TEAD1: variants seen among roughly 807,000 people sequenced by gnomAD.
The protein encoded by TEAD1 is TEA domain transcription factor 1, also known as transcriptional enhancer factor TEF-1.
In TEAD1, 9 loss-of-function variants were observed where a neutral mutation model predicts 54.9. That is an observed-to-expected ratio of 0.16 (90% confidence interval 0.10 to 0.29). TEAD1 has a LOEUF of 0.29. Among genes scored for constraint, TEAD1 ranks in the 10% least tolerant of loss-of-function variants. The pLI, the probability that TEAD1 is intolerant of heterozygous loss-of-function variation, is 1.00. For missense variants in TEAD1, 387 were observed against 535.9 expected (o/e 0.72, Z 2.74); for synonymous variants, 200 against 187.8 (o/e 1.07, Z -0.53).
At chr11:12,797,490 C>T (rs768111834) in intron 3 of TEAD1, among the ~76,000 whole-genome samples, 2 of 151,754 alleles carry the variant, frequency 1.3e-5, no homozygotes, top group African/African-American at 2.4e-5. Context: ...CCCTGGTGTG[C>T]CACCCACCCC....
intron 2 of TEAD1, among the ~76,000 whole-genome samples, chr11:12,695,781 A>C (rs1009106848): frequency 6.6e-6 from 1 of 152,156 alleles, no homozygotes; most frequent in African/African-American, 2.4e-5. Context: ...TAGATGGCAG[A>C]TTATTTTATT....
chr11:12,801,270 T>C (rs1946054876), intron 3 of TEAD1, among the ~76,000 whole-genome samples: 1 of 152,190 alleles, frequency 6.6e-6, no homozygotes. Context: ...TACATGGTGA[T>C]TGGTCTTGAT....
chr11:12,881,774 A>G, intron 7 of TEAD1, 122 bp from the exon 8 acceptor site: 1 of 966,680 alleles, frequency 1.0e-6, no homozygotes, highest in South Asian at 1.3e-5. Context: ...GTGTGCTACC[A>G]CCTGCAGGCA....
intron 3 of TEAD1, among the ~76,000 whole-genome samples, chr11:12,820,790 G>A (rs1199251541): frequency 6.6e-6 from 1 of 152,154 alleles, no homozygotes; most frequent in East Asian, 1.9e-4. Context: ...CTTTATTATT[G>A]TCATGATTTT....
intron 2 of TEAD1, among the ~76,000 whole-genome samples, chr11:12,703,249 C>CA (rs969319081): frequency 1.3e-5 from 2 of 152,138 alleles, no homozygotes; most frequent in Admixed American, 1.3e-4. Flanking sequence ...TTCTCTCTCC[C>CA]AAAAAAGCTT....
At chr11:12,683,641 A>G (rs1171031549) in intron 2 of TEAD1, among the ~76,000 whole-genome samples, 4 of 152,170 alleles carry the variant, frequency 2.6e-5, no homozygotes, top group African/African-American at 7.2e-5. Flanking sequence ...GTTGTTAGAA[A>G]ATAAACAAAC....
chr11:12,684,726 T>A (rs1431068547), intron 2 of TEAD1, among the ~76,000 whole-genome samples: 1 of 152,188 alleles, frequency 6.6e-6, no homozygotes, highest in Non-Finnish European at 1.5e-5. Flanking sequence ...GTGTGGCTGC[T>A]GTTAAAACCT....
chr11:12,736,401 A>C (rs948961298), intron 2 of TEAD1, among the ~76,000 whole-genome samples: 6 of 152,228 alleles, frequency 3.9e-5, no homozygotes, highest in African/African-American at 1.4e-4. Context: ...CAATTTTTTA[A>C]AGAAAAAATA....
At chr11:12,745,281 A>T (rs1387147142) in intron 2 of TEAD1, among the ~76,000 whole-genome samples, 1 of 152,240 alleles carries the variant, frequency 6.6e-6, no homozygotes, top group Non-Finnish European at 1.5e-5. Flanking sequence ...GCCCTGCATG[A>T]ACTGTGTCAA....
chr11:12,895,698 G>A (rs1300880137), intron 9 of TEAD1, among the ~76,000 whole-genome samples: 2 of 152,172 alleles, frequency 1.3e-5, no homozygotes, highest in African/African-American at 2.4e-5. Context: ...ATTGAAGCAC[G>A]TGGCCCATAG....
At chr11:12,882,284 C>G (rs1947988977) in intron 8 of TEAD1, among the ~76,000 whole-genome samples, 1 of 152,078 alleles carries the variant, frequency 6.6e-6, no homozygotes, top group Admixed American at 6.5e-5. Flanking sequence ...CAGTCTAAGT[C>G]TCAAGGCCAG....
At chr11:12,752,847 GT>G (rs36003316) in intron 2 of TEAD1, among the ~76,000 whole-genome samples, 62,845 of 147,740 alleles carry the variant, frequency 0.43, 13,420 homozygotes, top group South Asian at 0.6. Flanking sequence ...ATATGCTACA[GT>G]TTTTTTTTTT....
intron 10 of TEAD1, among the ~76,000 whole-genome samples, chr11:12,912,102 G>A (rs1948627748): frequency 6.6e-6 from 1 of 152,108 alleles, no homozygotes; most frequent in Non-Finnish European, 1.5e-5. Context: ...CAAGCAATTC[G>A]TAGGAGGAAA....
At chr11:12,740,331 G>A (rs1944626154) in intron 2 of TEAD1, among the ~76,000 whole-genome samples, 1 of 152,200 alleles carries the variant, frequency 6.6e-6, no homozygotes, top group South Asian at 2.1e-4. Flanking sequence ...AGAAGTGTTA[G>A]CTACTGTGAT....
At chr11:12,841,410 A>AGT (rs1394868914) in intron 3 of TEAD1, among the ~76,000 whole-genome samples, 3 of 152,194 alleles carry the variant, frequency 2.0e-5, no homozygotes, top group African/African-American at 7.2e-5. Context: ...CTGGTTAGGA[A>AGT]GTGTGTTCGC....
chr11:12,682,832 C>T (rs773328726), intron 2 of TEAD1, among the ~76,000 whole-genome samples: 20 of 152,172 alleles, frequency 1.3e-4, no homozygotes, highest in Admixed American at 2.6e-4. Context: ...TCATGGCAAT[C>T]CAGTGGGAAA....
At position 12,917,956 on chromosome 11, in the gene TEAD1, A is replaced by G. The variant is rs942350658; in HGVS notation, c.874-6956A>G. 3.3e-5 allele frequency among the ~76,000 whole-genome samples: 5 copies of G among 152,356 alleles called. No homozygotes were observed. In the East Asian group the frequency reaches 7.7e-4, roughly 23 times the overall value. On this transcript the variant is annotated intron_variant, in intron 10 of 12. Transcript: ENST00000527636. ...ATTTATTGGAAAGATAAGTTTTACT[A>G]GTTTTCAACTGTTTCTTGGATTTTT...
At chr11:12,908,031 A>G (rs1992336) in intron 10 of TEAD1, among the ~76,000 whole-genome samples, 10,328 of 152,214 alleles carry the variant, frequency 0.068, 941 homozygotes, top group East Asian at 0.46. Context: ...GTATTTTCAT[A>G]TATATGTTCT....
At chr11:12,693,933 G>A (rs1312032084) in intron 2 of TEAD1, among the ~76,000 whole-genome samples, 4 of 152,226 alleles carry the variant, frequency 2.6e-5, no homozygotes, top group African/African-American at 7.2e-5. Flanking sequence ...TGGTGGTTAG[G>A]TTCTGCTGCC....
Sources: allele counts gnomAD v4.1 joint callset (sites outside exome capture counted in the v4.1 genomes callset), GRCh38; gene constraint gnomAD v4.1.1; transcripts MANE v1.5; gene names NCBI Gene and HGNC (gene_info 2026-07-23, HGNC 2026-07-21).